The following TTC29 variants were observed in gnomAD, a reference collection of about 807,000 sequenced individuals.
The protein encoded by TTC29 is tetratricopeptide repeat domain 29.
In TTC29, 49 loss-of-function variants were observed where a neutral mutation model predicts 58.1. The ratio of observed to expected loss-of-function variants is 0.84; its 90% CI spans 0.67 to 1.07. The LOEUF (loss-of-function observed/expected upper bound fraction) is 1.07. TTC29 is among the 50% of genes least tolerant of loss of function. The pLI is 0.00. For missense variants in TTC29, 582 were observed against 555.6 expected (o/e 1.05, Z -0.48); for synonymous variants, 209 against 196.8 (o/e 1.06, Z -0.52).
intron 11 of TTC29, 68 bp from the exon 12 acceptor site, chr4:146,707,619 C>A: frequency 8.8e-7 from 1 of 1,133,002 alleles, no homozygotes; most frequent in Non-Finnish European, 1.3e-6. Context: ...TGATCTTGAA[C>A]CTGGGAATCC....
Position 146,779,069 on chromosome 4 carries a change from TAAG to T in TTC29, c.1330+24385_1330+24387del, listed in dbSNP as rs1433627769. 3.0e-5 allele frequency among the ~76,000 whole-genome samples: 4 copies of T among 134,614 alleles called. No homozygotes were observed. The East Asian group carries it at 8.9e-4, about 30-fold the overall frequency. The allele number at this position is 134,614 out of a possible 152,430, so 88.3% of individuals were successfully genotyped here. On this transcript the variant is annotated intron_variant, in intron 11 of 12. Coordinates refer to ENST00000325106, the MANE Select transcript of TTC29 (RefSeq NM_031956.4). ...GCTAGACAACAACAGCTTTGAACAA[TAAG>T]AAGAGGAACTTAAATCTGAAGTATA...
At chr4:146,793,347 C>T (rs1033591350) in intron 11 of TTC29, among the ~76,000 whole-genome samples, 3 of 152,120 alleles carry the variant, frequency 2.0e-5, no homozygotes, top group Non-Finnish European at 2.9e-5. Flanking sequence ...CAACCACCAC[C>T]CTGATCAATC....
At chr4:146,865,948 C>T (rs760148515) in intron 8 of TTC29, among the ~76,000 whole-genome samples, 1 of 152,100 alleles carries the variant, frequency 6.6e-6, no homozygotes, top group South Asian at 2.1e-4. Flanking sequence ...CATGTCTATG[C>T]ATTAGTATGG....
intron 11 of TTC29, among the ~76,000 whole-genome samples, chr4:146,720,133 G>A (rs926153962): frequency 2.6e-5 from 4 of 151,944 alleles, no homozygotes; most frequent in African/African-American, 9.7e-5. Context: ...TTTAATCCTA[G>A]ATATATAAAA....
At chr4:146,883,770 G>T (rs1034981813) in intron 6 of TTC29, among the ~76,000 whole-genome samples, 1 of 151,934 alleles carries the variant, frequency 6.6e-6, no homozygotes, top group Non-Finnish European at 1.5e-5. Context: ...TCCTCTCCGT[G>T]CTACTCGTTA....
intron 11 of TTC29, among the ~76,000 whole-genome samples, chr4:146,784,561 TATAAAAA>T (rs1436507512): frequency 6.6e-6 from 1 of 152,096 alleles, no homozygotes; most frequent in African/African-American, 2.4e-5. Context: ...TTAGTGCCTT[TATAAAAA>T]AGACCCAAGA....
chr4:146,804,674 C>T lies in TTC29; in HGVS notation c.1102-989G>A, dbSNP rs149877456. 4.5e-3 allele frequency among the ~76,000 whole-genome samples: 690 copies of T among 152,262 alleles called. 9 individuals carry two copies. The highest frequency in any genetic ancestry group is 0.016 in the African/African-American group (656 of 41,550). On this transcript the variant is annotated intron_variant, in intron 10 of 12. Coordinates refer to ENST00000325106, the MANE Select transcript of TTC29 (RefSeq NM_031956.4). ...CTCCCCAAAGACCCTGTAGCCAGAC[C>T]GCCTCTCTAGATTACGCCTCTCTGG...
chr4:146,770,672 T>A (rs1378018702), intron 11 of TTC29, among the ~76,000 whole-genome samples: 1 of 152,002 alleles, frequency 6.6e-6, no homozygotes, highest in African/African-American at 2.4e-5. Context: ...AAAGCATGGA[T>A]TCTGCAATCA....
chr4:146,722,763 T>A (rs1189972190), intron 11 of TTC29, among the ~76,000 whole-genome samples: 1 of 152,176 alleles, frequency 6.6e-6, no homozygotes, highest in Non-Finnish European at 1.5e-5. Flanking sequence ...AGTGGCACAA[T>A]CTTGGCTCAC....
chr4:146,799,450 A>C (rs1041632035), intron 11 of TTC29, among the ~76,000 whole-genome samples: 3 of 152,190 alleles, frequency 2.0e-5, no homozygotes, highest in Non-Finnish European at 4.4e-5. Context: ...ACATGACTCA[A>C]TATTAAGCCC....
chr4:146,728,662 A>C (rs550844859), intron 11 of TTC29, among the ~76,000 whole-genome samples: 292 of 148,154 alleles, frequency 2.0e-3, no homozygotes, highest in African/African-American at 6.9e-3. Flanking sequence ...CTCTCTCTCT[A>C]TATATATACA....
At chr4:146,914,366 A>T (rs970697384) in intron 4 of TTC29, among the ~76,000 whole-genome samples, 1 of 152,176 alleles carries the variant, frequency 6.6e-6, no homozygotes, top group Admixed American at 6.6e-5. Context: ...TTGGCCATAA[A>T]CTTTTTAGGC....
chr4:146,873,620 T>C (rs1384484007), intron 7 of TTC29, among the ~76,000 whole-genome samples: 7 of 152,172 alleles, frequency 4.6e-5, no homozygotes. Flanking sequence ...TGACTAAAGT[T>C]TGCTGCTGAA....
At chr4:146,890,599 G>T (rs11735746) in intron 6 of TTC29, among the ~76,000 whole-genome samples, 3,825 of 152,330 alleles carry the variant, frequency 0.025, 61 homozygotes, top group Middle Eastern at 0.041. Context: ...CAAGCCTTGT[G>T]TAGGGATAGT....
At chr4:146,889,962 G>A (rs28710073) in intron 6 of TTC29, among the ~76,000 whole-genome samples, 2,260 of 151,892 alleles carry the variant, frequency 0.015, 46 homozygotes, top group African/African-American at 0.051. Context: ...AGCTTAAAAT[G>A]AAGAAACATT....
intron 11 of TTC29, among the ~76,000 whole-genome samples, chr4:146,726,472 C>T (rs1743793198): frequency 6.6e-6 from 1 of 152,060 alleles, no homozygotes; most frequent in Non-Finnish European, 1.5e-5. Flanking sequence ...ATATTTGACT[C>T]AGTACCTACC....
chr4:146,877,090 T>G (rs1479177682), intron 6 of TTC29, among the ~76,000 whole-genome samples: 1 of 152,078 alleles, frequency 6.6e-6, no homozygotes, highest in Non-Finnish European at 1.5e-5. Context: ...CTTCACATGA[T>G]AGGAGACTGC....
intron 11 of TTC29, among the ~76,000 whole-genome samples, chr4:146,776,575 G>A (rs1246317959): frequency 1.3e-5 from 2 of 152,206 alleles, no homozygotes; most frequent in African/African-American, 4.8e-5. Context: ...TGTTCTGCAT[G>A]CTCCAACTAT....
chr4:146,927,549 A>G (rs1036919542), intron 4 of TTC29, among the ~76,000 whole-genome samples: 2 of 152,182 alleles, frequency 1.3e-5, no homozygotes, highest in African/African-American at 4.8e-5. Context: ...CACAATCTAT[A>G]TACTATCTGT....
Sources: gnomAD v4.1 joint callset for allele counts (sites outside exome capture counted in the v4.1 genomes callset) on GRCh38, gnomAD v4.1.1 for gene constraint, MANE v1.5 for transcripts, NCBI Gene and HGNC (gene_info 2026-07-23, HGNC 2026-07-21) for gene names.